The following CLDN4 variants were observed in gnomAD, a reference collection of about 807,000 sequenced individuals.
CLDN4 encodes the protein claudin 4.
In CLDN4, 12 loss-of-function variants were observed where a neutral mutation model predicts 13.7. That is an observed-to-expected ratio of 0.88 (90% CI 0.56 to 1.42). CLDN4 has a LOEUF of 1.42. CLDN4 is among the 40% of genes most tolerant of loss of function. The pLI is 0.00. For missense variants in CLDN4, 252 were observed against 297.4 expected (o/e 0.85, Z 1.12); for synonymous variants, 152 against 140.6 (o/e 1.08, Z -0.57).
At position 73,832,391 on chromosome 7, in the gene CLDN4, G is replaced by C. The variant is rs1192022081; in HGVS notation, c.*560G>C. ...GCTGTAAACAGGTTTGGGCAGTGGTGGGGGAGGGGGCCAGAGAGGCGGCTC... is the reference window on the plus strand; with the variant it reads ...GCTGTAAACAGGTTTGGGCAGTGGTCGGGGAGGGGGCCAGAGAGGCGGCTC... On this transcript the variant is annotated 3_prime_UTR_variant, in exon 1 of 1. Coordinates refer to ENST00000340958, the MANE Select transcript of CLDN4 (RefSeq NM_001305.5). The C allele has an allele frequency of 5.9e-6, 1 of 168,150 alleles. No individual in the cohort carries two copies. The highest frequency in any genetic ancestry group is 1.4e-5 in the Non-Finnish European group (1 of 69,078). 10.4% of individuals were successfully genotyped at this position (168,150 alleles called of 1,614,324 possible). A position where few individuals can be genotyped will look rare whatever the true frequency, so the allele number is the denominator to read the frequency against.
Position 73,831,000 on chromosome 7 carries a change from T to G in CLDN4, c.-202T>G. On this transcript the variant is annotated 5_prime_UTR_variant, in exon 1 of 1. Transcript: ENST00000340958. ...TGCTCAACCTGTCCCCGAGAGAGAG[T>G]GCCCTGGCAGCTGTCGGCTGGAAGG... is the stretch of plus-strand genomic sequence containing the variant. The G allele has an allele frequency of 3.8e-6, 2 of 530,588 alleles. No homozygotes were observed. Among genetic ancestry groups the G allele is most frequent in the South Asian group, 3.9e-5 (1 of 25,462 alleles). 32.9% of individuals were successfully genotyped at this position (530,588 alleles called of 1,614,324 possible). A position where few individuals can be genotyped will look rare whatever the true frequency, so the allele number is the denominator to read the frequency against.
chr7:73,831,623 A>G lies in CLDN4; in HGVS notation c.422A>G (p.His141Arg). The G allele has an allele frequency of 1.2e-6, 2 of 1,614,134 alleles. No homozygotes were observed. Among genetic ancestry groups the G allele is most frequent in the Non-Finnish European group, 1.7e-6 (2 of 1,179,986 alleles). ...ATAGTGCCGGTGTCCTGGACGGCCC[A>G]CAACATCATCCAAGACTTCTACAAT... Reference protein sequence around the residue: ...MVIVPVSWTAHNIIQDFYNPL... With the variant: ...MVIVPVSWTARNIIQDFYNPL... The change falls in exon 1 of 1, where the codon CAC (histidine) becomes CGC (arginine). Residue 141 changes from histidine to arginine, a missense_variant. Coordinates refer to ENST00000340958, the MANE Select transcript of CLDN4 (RefSeq NM_001305.5).
Position 73,831,078 on chromosome 7 carries a change from T to A in CLDN4, c.-124T>A, listed in dbSNP as rs1554633984. 1 of 1,241,052 alleles carries A rather than the reference T, an allele frequency of 8.1e-7. No homozygotes were observed. Among genetic ancestry groups the A allele is most frequent in the African/African-American group, 1.5e-5 (1 of 66,914 alleles). The allele number at this position is 1,241,052 out of a possible 1,614,324, so 76.9% of individuals were successfully genotyped here. A position where few individuals can be genotyped will look rare whatever the true frequency, so the allele number is the denominator to read the frequency against. On this transcript the variant is annotated 5_prime_UTR_variant, in exon 1 of 1. Transcript: ENST00000340958. ...GCGCATCAGGACTGGCTTTATCTCC[T>A]GACTCACGGTGCAAAGGTGCACTCT...
Position 73,831,035 on chromosome 7 carries a change from G to A in CLDN4, c.-167G>A. 1 of 790,156 alleles carries A rather than the reference G, an allele frequency of 1.3e-6. No individual in the cohort carries two copies. Among genetic ancestry groups the A allele is most frequent in the Non-Finnish European group, 2.0e-6 (1 of 508,612 alleles). 48.9% of individuals were successfully genotyped at this position (790,156 alleles called of 1,614,324 possible). ...GCTGTCGGCTGGAAGGAACTGGTCTGCTCACACTTGCTGGCTTGCGCATCA... is the reference window on the plus strand; with the variant it reads ...GCTGTCGGCTGGAAGGAACTGGTCTACTCACACTTGCTGGCTTGCGCATCA... On this transcript the variant is annotated 5_prime_UTR_variant, in exon 1 of 1. Transcript: ENST00000340958.
Position 73,831,501 on chromosome 7 carries a change from G to A in CLDN4, c.300G>A (p.Val100=). The A allele has an allele frequency of 1.9e-6, 3 of 1,614,166 alleles. No homozygotes were observed. The highest frequency in any genetic ancestry group is 2.5e-6 in the Non-Finnish European group (3 of 1,180,020). ...VAALGVLLSV[V]GGKCTNCLED... ...CTCTGGGCGTGCTGCTGTCCGTGGT[G>A]GGGGGCAAGTGTACCAACTGCCTGG... is the stretch of plus-strand genomic sequence containing the variant. The change falls in exon 1 of 1, where the codon GTG becomes GTA. Residue 100 remains valine (V), a synonymous_variant. Transcript: ENST00000340958.
chr7:73,831,268 CT>C lies in CLDN4; in HGVS notation c.68del (p.Leu23ArgfsTer10). ...LAVLGWLAVM[L>X]CCALPMWRVT... ...CGTCCTGGGCTGGCTGGCCGTCATG[CT>C]GTGCTGCGCGCTGCCCATGTGGCGC... On this transcript the variant is annotated frameshift_variant, in exon 1 of 1. Transcript: ENST00000340958. LOFTEE classifies it high-confidence loss of function. 1 of 1,609,414 alleles carries C rather than the reference CT, an allele frequency of 6.2e-7. No individual in the cohort carries two copies. The highest frequency in any genetic ancestry group is 2.2e-5 in the East Asian group (1 of 44,790).
In CLDN4 at chr7:73,831,910, G is replaced by A; in HGVS notation, c.*79G>A. ...TCAGCGCAGGCTGTGACCCCAGGAG[G>A]GCCCTGCCACGGGCCACTGGCTGCT... On this transcript the variant is annotated 3_prime_UTR_variant, in exon 1 of 1. Coordinates refer to ENST00000340958, the MANE Select transcript of CLDN4 (RefSeq NM_001305.5). 1.3e-6 allele frequency: 2 copies of A among 1,503,622 alleles called. No individual in the cohort carries two copies. The highest frequency in any genetic ancestry group is 1.8e-6 in the Non-Finnish European group (2 of 1,123,722). 93.1% of individuals were successfully genotyped at this position (1,503,622 alleles called of 1,614,324 possible). A position where few individuals can be genotyped will look rare whatever the true frequency, so the allele number is the denominator to read the frequency against.
Position 73,831,269 on chromosome 7 carries a change from T to C in CLDN4, c.68T>C (p.Leu23Pro). The change falls in exon 1 of 1, where the codon CTG becomes CCG. Residue 23 changes from leucine (L) to proline (P), a missense_variant. Physicochemically the swap from Leu to Pro is moderately conservative, Grantham distance 98. Coordinates refer to ENST00000340958, the MANE Select transcript of CLDN4 (RefSeq NM_001305.5). ...GTCCTGGGCTGGCTGGCCGTCATGC[T>C]GTGCTGCGCGCTGCCCATGTGGCGC... ...LAVLGWLAVMLCCALPMWRVT... is the reference protein window; with the variant it reads ...LAVLGWLAVMPCCALPMWRVT... 1 of 1,609,834 alleles carries C rather than the reference T, an allele frequency of 6.2e-7. No individual in the cohort carries two copies. Among genetic ancestry groups the C allele is most frequent in the Non-Finnish European group, 8.5e-7 (1 of 1,177,286 alleles).
In CLDN4 at chr7:73,831,317, A is replaced by T; in HGVS notation, c.116A>T (p.Asn39Ile). ...CGCGTGACGGCCTTCATCGGCAGCA[A>T]CATTGTCACCTCGCAGACCATCTGG... ...MWRVTAFIGSNIVTSQTIWEG... is the reference protein window; with the variant it reads ...MWRVTAFIGSIIVTSQTIWEG... Residue 39 changes from asparagine to isoleucine, a missense_variant, in exon 1 of 1, where the codon AAC becomes ATC. By Grantham distance (149) the Asn-to-Ile change is moderately radical. Coordinates refer to ENST00000340958, the MANE Select transcript of CLDN4 (RefSeq NM_001305.5). 6.2e-7 allele frequency: 1 copy of T among 1,614,012 alleles called. No individual in the cohort carries two copies. The highest frequency in any genetic ancestry group is 8.5e-7 in the Non-Finnish European group (1 of 1,179,970).
rs1405001379 is a variant in CLDN4 at position 73,831,861 on chromosome 7, G to C, written c.*30G>C. ...CCACGGCTCCACTCTGTTCCTCTCT[G>C]CTTTGTTCTTCCCTGGACTGAGCTC... On this transcript the variant is annotated 3_prime_UTR_variant, in exon 1 of 1. Coordinates refer to ENST00000340958, the MANE Select transcript of CLDN4 (RefSeq NM_001305.5). 6.5e-7 allele frequency: 1 copy of C among 1,543,804 alleles called. No individual in the cohort carries two copies. The highest frequency in any genetic ancestry group is 1.9e-5 in the Admixed American group (1 of 51,998).
Position 73,831,976 on chromosome 7 carries a change from G to A in CLDN4, c.*145G>A, listed in dbSNP as rs1250251944. On this transcript the variant is annotated 3_prime_UTR_variant, in exon 1 of 1. Coordinates refer to ENST00000340958, the MANE Select transcript of CLDN4 (RefSeq NM_001305.5). Reference sequence around the variant, plus strand: ...GGCAGAGACTGAGCCAGGCAGGAAGGCAGCAGCCTTCAGCCTCTCTGGCCC... The same window carrying A: ...GGCAGAGACTGAGCCAGGCAGGAAGACAGCAGCCTTCAGCCTCTCTGGCCC... 250 of 1,163,558 alleles carry A rather than the reference G, an allele frequency of 2.1e-4. No individual in the cohort carries two copies. Among genetic ancestry groups the A allele is most frequent in the Non-Finnish European group, 2.8e-4 (235 of 828,374 alleles). The allele number at this position is 1,163,558 out of a possible 1,614,324, so 72.1% of individuals were successfully genotyped here. A position where few individuals can be genotyped will look rare whatever the true frequency, so the allele number is the denominator to read the frequency against.
chr7:73,831,547 A>G lies in CLDN4; in HGVS notation c.346A>G (p.Lys116Glu). 2.5e-6 allele frequency: 4 copies of G among 1,614,240 alleles called. No individual in the cohort carries two copies. The South Asian group carries it at 4.4e-5, about 18-fold the overall frequency. The change falls in exon 1 of 1, where the codon AAG (lysine) becomes GAG (glutamate). Residue 116 changes from lysine to glutamate, a missense_variant. By Grantham distance (56) the Lys-to-Glu change is moderately conservative. Coordinates refer to ENST00000340958, the MANE Select transcript of CLDN4 (RefSeq NM_001305.5). ...NCLEDESAKAKTMIVAGVVFL... is the reference protein window; with the variant it reads ...NCLEDESAKAETMIVAGVVFL... ...CCTGGAGGATGAAAGCGCCAAGGCC[A>G]AGACCATGATCGTGGCGGGCGTGGT... is the stretch of plus-strand genomic sequence containing the variant.
Position 73,831,522 on chromosome 7 carries a change from C to A in CLDN4, c.321C>A (p.Cys107Ter). The part of the protein sequence containing the change: ...LSVVGGKCTN[C>*]LEDESAKAKT... ...TGGTGGGGGGCAAGTGTACCAACTGCCTGGAGGATGAAAGCGCCAAGGCCA... is the reference window on the plus strand; with the variant it reads ...TGGTGGGGGGCAAGTGTACCAACTGACTGGAGGATGAAAGCGCCAAGGCCA... Residue 107 changes from cysteine to a stop codon, truncating the protein, a stop_gained, in exon 1 of 1, where the codon TGC becomes TGA. Coordinates refer to ENST00000340958, the MANE Select transcript of CLDN4 (RefSeq NM_001305.5). LOFTEE classifies it high-confidence loss of function. 2.5e-6 allele frequency: 4 copies of A among 1,614,218 alleles called. No homozygotes were observed. The highest frequency in any genetic ancestry group is 1.7e-6 in the Non-Finnish European group (2 of 1,180,046).
In CLDN4 at chr7:73,831,978, A is replaced by T; in HGVS notation, c.*147A>T. The T allele has an allele frequency of 9.1e-7, 1 of 1,101,222 alleles. No homozygotes were observed. The highest frequency in any genetic ancestry group is 1.3e-6 in the Non-Finnish European group (1 of 772,160). The allele number at this position is 1,101,222 out of a possible 1,614,324, so 68.2% of individuals were successfully genotyped here. On this transcript the variant is annotated 3_prime_UTR_variant, in exon 1 of 1. Coordinates refer to ENST00000340958, the MANE Select transcript of CLDN4 (RefSeq NM_001305.5). Reference sequence around the variant, plus strand: ...CAGAGACTGAGCCAGGCAGGAAGGCAGCAGCCTTCAGCCTCTCTGGCCCAC... The same window carrying T: ...CAGAGACTGAGCCAGGCAGGAAGGCTGCAGCCTTCAGCCTCTCTGGCCCAC...
rs782629608 is a variant in CLDN4, at chr7:73,831,235, G to C, written c.34G>C (p.Ala12Pro). ...ASMGLQVMGI[A>P]LAVLGWLAVM... ...CATGGGGCTACAGGTAATGGGCATC[G>C]CGCTGGCCGTCCTGGGCTGGCTGGC... The change falls in exon 1 of 1, where the codon GCG (alanine) becomes CCG (proline). Residue 12 changes from alanine to proline, a missense_variant. By Grantham distance (27) the Ala-to-Pro change is conservative. Transcript: ENST00000340958. 2 of 1,592,204 alleles carry C rather than the reference G, an allele frequency of 1.3e-6. No homozygotes were observed. The highest frequency in any genetic ancestry group is 1.7e-5 in the Admixed American group (1 of 58,986).
Position 73,831,261 on chromosome 7 carries a change from C to G in CLDN4, c.60C>G (p.Ala20=). ...CGCTGGCCGTCCTGGGCTGGCTGGCCGTCATGCTGTGCTGCGCGCTGCCCA... is the reference window on the plus strand; with the variant it reads ...CGCTGGCCGTCCTGGGCTGGCTGGCGGTCATGCTGTGCTGCGCGCTGCCCA... ...GIALAVLGWL[A]VMLCCALPMW... The change falls in exon 1 of 1, where the codon GCC becomes GCG. Residue 20 remains alanine (A), a synonymous_variant. Coordinates refer to ENST00000340958, the MANE Select transcript of CLDN4 (RefSeq NM_001305.5). 1 of 1,606,478 alleles carries G rather than the reference C, an allele frequency of 6.2e-7. No homozygotes were observed. The highest frequency in any genetic ancestry group is 8.5e-7 in the Non-Finnish European group (1 of 1,175,002).
chr7:73,832,251 G>A lies in CLDN4; in HGVS notation c.*420G>A. 1 of 191,746 alleles carries A rather than the reference G, an allele frequency of 5.2e-6. No homozygotes were observed. The highest frequency in any genetic ancestry group is 1.2e-5 in the Non-Finnish European group (1 of 84,248). 11.9% of individuals were successfully genotyped at this position (191,746 alleles called of 1,614,324 possible). A position where few individuals can be genotyped will look rare whatever the true frequency, so the allele number is the denominator to read the frequency against. On this transcript the variant is annotated 3_prime_UTR_variant, in exon 1 of 1. Coordinates refer to ENST00000340958, the MANE Select transcript of CLDN4 (RefSeq NM_001305.5). ...CGGGTAGGCCTTGATATCACCTCTGGGACTGTGCCTTGCTCACCGAAACCC... is the reference window on the plus strand; with the variant it reads ...CGGGTAGGCCTTGATATCACCTCTGAGACTGTGCCTTGCTCACCGAAACCC...
In CLDN4 at chr7:73,831,064, C is replaced by G. The variant is rs1554633982; in HGVS notation, c.-138C>G. 1 of 1,091,718 alleles carries G rather than the reference C, an allele frequency of 9.2e-7. No individual in the cohort carries two copies. Among genetic ancestry groups the G allele is most frequent in the Non-Finnish European group, 1.3e-6 (1 of 767,272 alleles). 67.6% of individuals were successfully genotyped at this position (1,091,718 alleles called of 1,614,324 possible). Reference sequence around the variant, plus strand: ...ACACTTGCTGGCTTGCGCATCAGGACTGGCTTTATCTCCTGACTCACGGTG... The same window carrying G: ...ACACTTGCTGGCTTGCGCATCAGGAGTGGCTTTATCTCCTGACTCACGGTG... On this transcript the variant is annotated 5_prime_UTR_variant, in exon 1 of 1. Coordinates refer to ENST00000340958, the MANE Select transcript of CLDN4 (RefSeq NM_001305.5).
Position 73,832,023 on chromosome 7 carries a change from C to T in CLDN4, c.*192C>T, listed in dbSNP as rs1342648412. 2.5e-5 allele frequency: 16 copies of T among 643,336 alleles called. No individual in the cohort carries two copies. The East Asian group carries it at 3.1e-4, about 12-fold the overall frequency. The allele number at this position is 643,336 out of a possible 1,614,324, so 39.9% of individuals were successfully genotyped here. On this transcript the variant is annotated 3_prime_UTR_variant, in exon 1 of 1. Coordinates refer to ENST00000340958, the MANE Select transcript of CLDN4 (RefSeq NM_001305.5). Reference sequence around the variant, plus strand: ...GCCCACTCGGACAACTTCCCAAGGCCGCCTCCTGCTAGCAAGAACAGAGTC... The same window carrying T: ...GCCCACTCGGACAACTTCCCAAGGCTGCCTCCTGCTAGCAAGAACAGAGTC...
Sources: allele counts gnomAD v4.1 joint callset, GRCh38; gene constraint gnomAD v4.1.1; transcripts MANE v1.5; gene names NCBI Gene and HGNC (gene_info 2026-07-23, HGNC 2026-07-21).